Variants in EYS observed in about 807,000 individuals in gnomAD.
The protein encoded by EYS is EGF-like photoreceptor maintenance factor.
EYS carries 250 observed loss-of-function variants against 282.1 expected under a neutral mutation model. The observed-to-expected ratio is 0.89, with a 90% CI of 0.80 to 0.98. The LOEUF (loss-of-function observed/expected upper bound fraction) is 0.98. EYS is among the 50% of genes least tolerant of loss of function. The pLI, the probability that EYS is intolerant of heterozygous loss-of-function variation, is 0.00. For missense variants in EYS, 4,016 were observed against 3,709.0 expected (o/e 1.08, Z -2.15); for synonymous variants, 1,355 against 1,282.9 (o/e 1.06, Z -1.20).
chr6:65,302,299 T>C (rs1421637528), intron 11 of EYS, among the ~76,000 whole-genome samples: 2 of 152,156 alleles, frequency 1.3e-5, no homozygotes, highest in African/African-American at 2.4e-5. Context: ...ATGGATTGAG[T>C]GTTGGTTCGA....
At chr6:63,864,149 T>C in intron 36 of EYS, 37 bp downstream of exon 36, 1 of 1,425,264 alleles carries the variant, frequency 7.0e-7, no homozygotes, top group East Asian at 2.6e-5. Flanking sequence ...CACCTCTTTC[T>C]GTCTGTGCTC....
At chr6:63,889,033 G>A (rs1210718422) in intron 35 of EYS, among the ~76,000 whole-genome samples, 1 of 152,022 alleles carries the variant, frequency 6.6e-6, no homozygotes, top group Non-Finnish European at 1.5e-5. Context: ...GTGGAAGAAA[G>A]GATATCAGAG....
At chr6:64,788,060 G>A (rs1435433650) in intron 22 of EYS, among the ~76,000 whole-genome samples, 2 of 151,804 alleles carry the variant, frequency 1.3e-5, no homozygotes, top group Non-Finnish European at 2.9e-5. Flanking sequence ...CCTCTTCAAT[G>A]TTTCTGGGGT....
rs542607173 is a variant in EYS, at chr6:64,325,750, T to G, written c.6079-18668A>C. 9.9e-5 allele frequency among the ~76,000 whole-genome samples: 15 copies of G among 152,208 alleles called. No homozygotes were observed. The South Asian group carries it at 3.1e-3, about 32-fold the overall frequency. The stretch of plus-strand genomic sequence containing the variant: ...AACCTTCAGGAAACACTGGACACAC[T>G]TACAAAAATGCAAAATTCTCTGGAA... On this transcript the variant is annotated intron_variant, in intron 29 of 42. Transcript: ENST00000503581.
chr6:64,989,035 C>T (rs984517809), intron 14 of EYS, among the ~76,000 whole-genome samples: 1 of 151,070 alleles, frequency 6.6e-6, no homozygotes, highest in African/African-American at 2.4e-5. Context: ...CTATTAATGC[C>T]TTGTATGGGA....
chr6:63,782,700 A>G (rs1318433286), intron 39 of EYS, among the ~76,000 whole-genome samples: 5 of 152,126 alleles, frequency 3.3e-5, no homozygotes, highest in Non-Finnish European at 7.3e-5. Context: ...TCAAAAAACC[A>G]GCTTCTGGAT....
At chr6:64,039,217 T>G (rs1268135917) in intron 33 of EYS, among the ~76,000 whole-genome samples, 1 of 152,234 alleles carries the variant, frequency 6.6e-6, no homozygotes, top group East Asian at 1.9e-4. Context: ...AATTTCTTAA[T>G]AGATCATTCA....
chr6:64,853,072 C>T (rs933939799), intron 19 of EYS, among the ~76,000 whole-genome samples: 2 of 151,956 alleles, frequency 1.3e-5, no homozygotes, highest in African/African-American at 4.8e-5. Context: ...TAGAGAGACC[C>T]AAGGTATTGT....
At chr6:65,153,449 C>T (rs1581961454) in intron 12 of EYS, among the ~76,000 whole-genome samples, 1 of 147,746 alleles carries the variant, frequency 6.8e-6, no homozygotes, top group South Asian at 2.2e-4. Context: ...TTTTGTGCAG[C>T]AATAGATAAA....
chr6:65,669,315 G>A (rs971677992), intron 1 of EYS, among the ~76,000 whole-genome samples: 2 of 151,824 alleles, frequency 1.3e-5, no homozygotes, highest in African/African-American at 4.8e-5. Context: ...TTGGAGCGAA[G>A]GCCCTTTTCT....
intron 5 of EYS, among the ~76,000 whole-genome samples, chr6:65,413,183 G>C (rs895530389): frequency 6.6e-6 from 1 of 152,136 alleles, no homozygotes; most frequent in African/African-American, 2.4e-5. Flanking sequence ...TAAGATATCA[G>C]ACTTTTTCTT....
chr6:64,390,755 C>A (rs971839061), intron 28 of EYS, among the ~76,000 whole-genome samples: 65 of 149,486 alleles, frequency 4.3e-4, no homozygotes, highest in African/African-American at 1.5e-3. Context: ...TCACCAGCAA[C>A]GGAACAAAGC....
intron 14 of EYS, among the ~76,000 whole-genome samples, chr6:64,947,904 T>C (rs1229544818): frequency 6.6e-6 from 1 of 151,780 alleles, no homozygotes; most frequent in East Asian, 1.9e-4. Context: ...ATTATTTATG[T>C]AAAGACAAAT....
intron 36 of EYS, among the ~76,000 whole-genome samples, chr6:63,832,571 T>A (rs900565135): frequency 6.6e-6 from 1 of 152,106 alleles, no homozygotes; most frequent in African/African-American, 2.4e-5. Flanking sequence ...GAGGCAATAA[T>A]TAATAGCCTA....
chr6:63,931,595 T>A (rs776834060), intron 35 of EYS, among the ~76,000 whole-genome samples: 3 of 152,204 alleles, frequency 2.0e-5, no homozygotes, highest in Non-Finnish European at 4.4e-5. Flanking sequence ...TAACCCCAAA[T>A]CTATGTGTCA....
intron 14 of EYS, among the ~76,000 whole-genome samples, chr6:64,947,164 GAA>G (rs1325929492): frequency 6.6e-6 from 1 of 151,712 alleles, no homozygotes; most frequent in Non-Finnish European, 1.5e-5. Flanking sequence ...TAAATAAACA[GAA>G]AAAACAAACA....
At chr6:64,780,618 T>C (rs1247374773) in intron 22 of EYS, among the ~76,000 whole-genome samples, 1 of 152,148 alleles carries the variant, frequency 6.6e-6, no homozygotes, top group African/African-American at 2.4e-5. Context: ...CTCACCATTA[T>C]GCAATATATC....
intron 2 of EYS, among the ~76,000 whole-genome samples, chr6:65,575,645 A>C (rs1469191691): frequency 1.3e-5 from 2 of 151,942 alleles, no homozygotes; most frequent in African/African-American, 4.8e-5. Context: ...AAAGAAATCA[A>C]CCAAATTAAA....
At chr6:64,937,400 T>C (rs1768944817) in intron 15 of EYS, among the ~76,000 whole-genome samples, 1 of 151,580 alleles carries the variant, frequency 6.6e-6, no homozygotes, top group Non-Finnish European at 1.5e-5. Context: ...TATTTGATAA[T>C]TGGCTTGTAT....
Sources: gnomAD v4.1 joint callset for allele counts (sites outside exome capture counted in the v4.1 genomes callset) on GRCh38, gnomAD v4.1.1 for gene constraint, MANE v1.5 for transcripts, NCBI Gene and HGNC (gene_info 2026-07-23, HGNC 2026-07-21) for gene names.